GABPB2: variants seen among roughly 807,000 people sequenced by gnomAD.
GABPB2 encodes GA binding protein transcription factor subunit beta 2.
Under a neutral mutation model 39.1 loss-of-function variants are expected in GABPB2, and 23 were observed. The ratio of observed to expected loss-of-function variants is 0.59; its 90% CI spans 0.42 to 0.83. The LOEUF is 0.83. GABPB2 is among the 40% of genes least tolerant of loss of function. The pLI is 0.00. For missense variants in GABPB2, 467 were observed against 541.1 expected, an observed-to-expected ratio of 0.86 and a Z score of 1.36; for synonymous variants, 184 against 199.3, an observed-to-expected ratio of 0.92 and a Z score of 0.65.
intron 7 of GABPB2, among the ~76,000 whole-genome samples, chr1:151,114,019 G>A (rs1205622302): frequency 2.0e-5 from 3 of 151,964 alleles, no homozygotes; most frequent in Non-Finnish European, 2.9e-5. Flanking sequence ...ACCCAGTGAA[G>A]GACATTTAAG....
intron 1 of GABPB2, among the ~76,000 whole-genome samples, chr1:151,074,342 G>A (rs1473076902): frequency 7.4e-6 from 1 of 135,942 alleles, no homozygotes; most frequent in Non-Finnish European, 1.5e-5. Flanking sequence ...ACGGAGTCTC[G>A]CTCTGTCGCC....
rs765162187 is a variant in GABPB2, at chr1:151,118,012, C to T, written c.1103C>T (p.Ala368Val). Residue 368 changes from alanine (A) to valine (V), a missense_variant, in exon 9 of 9, where the codon GCC becomes GTC. Ala to Val is a moderately conservative substitution (Grantham distance 64, BLOSUM62 0). Transcript: ENST00000368918. ...CAACTCCAGGAGGCCAATCGAAGAGCCCAGGAATACCGACACCAGCTCCTA... is the reference window on the plus strand; with the variant it reads ...CAACTCCAGGAGGCCAATCGAAGAGTCCAGGAATACCGACACCAGCTCCTA... ...QQQLQEANRR[A>V]QEYRHQLLKK... 4 of 1,614,052 alleles carry T rather than the reference C, an allele frequency of 2.5e-6. No homozygotes were observed. Among genetic ancestry groups the T allele is most frequent in the Non-Finnish European group, 3.4e-6 (4 of 1,180,006 alleles).
intron 1 of GABPB2, among the ~76,000 whole-genome samples, chr1:151,080,247 A>G (rs1248117138): frequency 5.4e-5 from 8 of 148,368 alleles, no homozygotes; most frequent in Non-Finnish European, 7.4e-5. Context: ...AAAAAAAACA[A>G]TAATTAGCTG....
chr1:151,074,343 C>T (rs1245715516), intron 1 of GABPB2, among the ~76,000 whole-genome samples: 11 of 147,084 alleles, frequency 7.5e-5, no homozygotes, highest in Non-Finnish European at 4.5e-5. Context: ...CGGAGTCTCG[C>T]TCTGTCGCCC....
intron 1 of GABPB2, among the ~76,000 whole-genome samples, chr1:151,086,119 C>T (rs1231716220): frequency 2.6e-5 from 4 of 152,014 alleles, no homozygotes; most frequent in African/African-American, 9.7e-5. Context: ...GTGGTGTGTG[C>T]TTGTAGTCCC....
At chr1:151,101,274 A>G (rs1271117892) in intron 5 of GABPB2, among the ~76,000 whole-genome samples, 2 of 151,584 alleles carry the variant, frequency 1.3e-5, no homozygotes, top group South Asian at 2.1e-4. Flanking sequence ...TTAAGAGTAC[A>G]TTTAAAAATA....
intron 1 of GABPB2, among the ~76,000 whole-genome samples, chr1:151,075,191 C>T (rs1043920120): frequency 2.0e-5 from 3 of 151,920 alleles, no homozygotes; most frequent in African/African-American, 2.4e-5. Context: ...AATCCCAGCT[C>T]TTTGGGAGGC....
At chr1:151,079,507 C>T (rs961744730) in intron 1 of GABPB2, among the ~76,000 whole-genome samples, 2 of 152,032 alleles carry the variant, frequency 1.3e-5, no homozygotes, top group Non-Finnish European at 2.9e-5. Flanking sequence ...TGCCACTGCA[C>T]TCCAGCCTGG....
At chr1:151,107,866 T>C (rs1046050316) in intron 7 of GABPB2, among the ~76,000 whole-genome samples, 43 of 151,906 alleles carry the variant, frequency 2.8e-4, no homozygotes, top group Non-Finnish European at 5.6e-4. Context: ...GCCCAGGAGG[T>C]TGAGGCTGTA....
chr1:151,100,580 CTTTTTTTT>C (rs35251516), intron 5 of GABPB2, among the ~76,000 whole-genome samples: 2 of 46,688 alleles, frequency 4.3e-5, no homozygotes, highest in South Asian at 1.3e-3. Context: ...TGTGCCTGGC[CTTTTTTTT>C]TTTTTTTTTT....
chr1:151,088,573 A>G, intron 2 of GABPB2: 1 of 632,620 alleles, frequency 1.6e-6, no homozygotes, highest in Non-Finnish European at 2.5e-6. Context: ...CTAAAGGTTT[A>G]ACTGTCTCTG....
chr1:151,071,252 G>A (rs1676686356), intron 1 of GABPB2, among the ~76,000 whole-genome samples: 1 of 152,268 alleles, frequency 6.6e-6, no homozygotes, highest in East Asian at 1.9e-4. Context: ...GCCGAGGCCT[G>A]TCGCCGAGGC....
intron 5 of GABPB2, among the ~76,000 whole-genome samples, chr1:151,098,855 G>A (rs1403963357): frequency 6.6e-6 from 1 of 152,106 alleles, no homozygotes; most frequent in Non-Finnish European, 1.5e-5. Flanking sequence ...AGGCCGAAGT[G>A]GGTGGATCAC....
At chr1:151,088,957 A>G (rs1447285161) in intron 2 of GABPB2, among the ~76,000 whole-genome samples, 1 of 151,696 alleles carries the variant, frequency 6.6e-6, no homozygotes, top group East Asian at 1.9e-4. Flanking sequence ...CGGAGATTGC[A>G]CCATTGCACT....
intron 7 of GABPB2, among the ~76,000 whole-genome samples, chr1:151,116,417 A>T (rs1353420367): frequency 1.3e-5 from 2 of 151,048 alleles, no homozygotes; most frequent in African/African-American, 4.9e-5. Flanking sequence ...AAAAAAAAAA[A>T]CAACTTTTAG....
chr1:151,083,654 A>T (rs928072924), intron 1 of GABPB2, among the ~76,000 whole-genome samples: 6 of 145,324 alleles, frequency 4.1e-5, no homozygotes, highest in African/African-American at 1.6e-4. Flanking sequence ...AAAAAAAAAA[A>T]TTATATATAT....
intron 4 of GABPB2, among the ~76,000 whole-genome samples, chr1:151,095,009 C>CA (rs11433915): frequency 0.72 from 94,309 of 131,218 alleles, 33,623 homozygotes; most frequent in East Asian, 0.85. Context: ...GATTCCATCT[C>CA]AAAAAAAAAA....
In GABPB2 at chr1:151,123,454, CAA is replaced by C. The variant is rs879010713; in HGVS notation, c.*5213_*5214del. 78 of 77,448 alleles carry C rather than the reference CAA, an allele frequency of 1.0e-3. No individual in the cohort carries two copies. The highest frequency in any genetic ancestry group is 1.4e-3 in the Non-Finnish European group (52 of 37,746). 4.8% of individuals were successfully genotyped at this position (77,448 alleles called of 1,614,324 possible). A position where few individuals can be genotyped will look rare whatever the true frequency, so the allele number is the denominator to read the frequency against. On this transcript the variant is annotated 3_prime_UTR_variant, in exon 9 of 9. Coordinates refer to ENST00000368918, the MANE Select transcript of GABPB2 (RefSeq NM_144618.3). ...TGGGCAATAGAGCGAGACTCTGTCT[CAA>C]AAAAAAAAAAAAAAGAAGGAAAGAA... is the stretch of plus-strand genomic sequence containing the variant.
intron 4 of GABPB2, among the ~76,000 whole-genome samples, chr1:151,095,009 CA>C (rs11433915): frequency 0.025 from 3,303 of 131,352 alleles, 123 homozygotes; most frequent in African/African-American, 0.088. Flanking sequence ...GATTCCATCT[CA>C]AAAAAAAAAA....
Sources: allele counts gnomAD v4.1 joint callset (sites outside exome capture counted in the v4.1 genomes callset), GRCh38; gene constraint gnomAD v4.1.1; transcripts MANE v1.5; gene names NCBI Gene and HGNC (gene_info 2026-07-23, HGNC 2026-07-21).